ATXN1: variants seen among roughly 807,000 people sequenced by gnomAD.
ATXN1 encodes the protein ataxin 1, also known as ataxin-1.
Under a neutral mutation model 56.4 loss-of-function variants are expected in ATXN1, and 8 were observed. That is an observed-to-expected ratio of 0.14 (90% CI 0.08 to 0.26). The LOEUF is 0.26. ATXN1 is among the 10% of genes least tolerant of loss of function. The pLI is 1.00. For synonymous variants in ATXN1, 514 were observed against 494.6 expected (o/e 1.04, Z -0.52); for missense variants, 987 against 1,106.5 (o/e 0.89, Z 1.53).
intron 5 of ATXN1, among the ~76,000 whole-genome samples, chr6:16,512,416 A>T (rs1232850024): frequency 2.6e-5 from 4 of 152,220 alleles, no homozygotes; most frequent in Non-Finnish European, 5.9e-5. Context: ...TCAAATTAAA[A>T]GCAAAGTCAT....
chr6:16,672,782 G>A (rs941948216), intron 2 of ATXN1, among the ~76,000 whole-genome samples: 1 of 152,186 alleles, frequency 6.6e-6, no homozygotes, highest in Non-Finnish European at 1.5e-5. Flanking sequence ...CACTCTGGGA[G>A]GCCGAGGCGG....
chr6:16,627,692 A>G (rs574010024), intron 3 of ATXN1, among the ~76,000 whole-genome samples: 1 of 152,224 alleles, frequency 6.6e-6, no homozygotes, highest in Admixed American at 6.5e-5. Context: ...ATGCCACTGC[A>G]CTCCAGCCTG....
intron 5 of ATXN1, among the ~76,000 whole-genome samples, chr6:16,512,972 C>T (rs1474990907): frequency 6.6e-6 from 1 of 152,182 alleles, no homozygotes; most frequent in African/African-American, 2.4e-5. Context: ...GGTTGAGTGG[C>T]CCCTGGGAAT....
chr6:16,512,779 CAGA>C (rs559840482), intron 5 of ATXN1, among the ~76,000 whole-genome samples: 83 of 152,324 alleles, frequency 5.4e-4, no homozygotes, highest in African/African-American at 1.9e-3. Context: ...GCTACAGCAA[CAGA>C]AGAATGTACT....
chr6:16,706,206 C>T (rs955490880), intron 2 of ATXN1, among the ~76,000 whole-genome samples: 18 of 152,148 alleles, frequency 1.2e-4, no homozygotes, highest in African/African-American at 4.1e-4. Flanking sequence ...CTCCAGTCAA[C>T]CTGACTCAGG....
chr6:16,726,441 A>G (rs1277797867), intron 2 of ATXN1, among the ~76,000 whole-genome samples: 5 of 151,974 alleles, frequency 3.3e-5, no homozygotes, highest in Non-Finnish European at 7.4e-5. Context: ...AGAGATTTTC[A>G]TATGTATAAT....
chr6:16,512,401 G>A (rs1017314824), intron 5 of ATXN1, among the ~76,000 whole-genome samples: 3 of 152,260 alleles, frequency 2.0e-5, no homozygotes, highest in African/African-American at 4.8e-5. Flanking sequence ...GAAGAGTAAC[G>A]CATTTCAAAT....
intron 3 of ATXN1, among the ~76,000 whole-genome samples, chr6:16,634,264 T>C (rs1298318357): frequency 2.0e-5 from 3 of 152,216 alleles, no homozygotes; most frequent in Non-Finnish European, 4.4e-5. Flanking sequence ...AGCACTACCA[T>C]GGATTTCTCT....
intron 2 of ATXN1, among the ~76,000 whole-genome samples, chr6:16,660,734 T>C (rs1183626246): frequency 6.6e-6 from 1 of 152,118 alleles, no homozygotes; most frequent in Non-Finnish European, 1.5e-5. Flanking sequence ...ATATCTTTAT[T>C]CAAAAATGCA....
chr6:16,496,901 C>G (rs1273758926), intron 5 of ATXN1, among the ~76,000 whole-genome samples: 1 of 152,182 alleles, frequency 6.6e-6, no homozygotes, highest in Non-Finnish European at 1.5e-5. Flanking sequence ...TTCTCCCCTC[C>G]TCCTTCATCT....
intron 6 of ATXN1, among the ~76,000 whole-genome samples, chr6:16,448,953 C>G (rs1168211410): frequency 6.6e-6 from 1 of 152,204 alleles, no homozygotes; most frequent in African/African-American, 2.4e-5. Context: ...AAGGGGATAG[C>G]AAGAGTTCTT....
At chr6:16,542,931 A>G (rs1761743312) in intron 4 of ATXN1, among the ~76,000 whole-genome samples, 1 of 151,538 alleles carries the variant, frequency 6.6e-6, no homozygotes, top group African/African-American at 2.4e-5. Context: ...AAAATATCTT[A>G]TTGCATGGCA....
intron 7 of ATXN1, among the ~76,000 whole-genome samples, chr6:16,312,262 CATA>C (rs1226175229): frequency 2.0e-5 from 3 of 152,156 alleles, no homozygotes; most frequent in African/African-American, 7.2e-5. Flanking sequence ...CTAAAGACTT[CATA>C]ATGTTATTGG....
intron 5 of ATXN1, among the ~76,000 whole-genome samples, chr6:16,494,321 A>T (rs1760731116): frequency 6.6e-6 from 1 of 152,174 alleles, no homozygotes; most frequent in African/African-American, 2.4e-5. Flanking sequence ...CCATTGTAAA[A>T]TTTCTTACAA....
At chr6:16,491,090 ATTTTTT>A (rs35884389) in intron 5 of ATXN1, among the ~76,000 whole-genome samples, 56 of 78,314 alleles carry the variant, frequency 7.2e-4, no homozygotes, top group African/African-American at 2.7e-3. Context: ...GGATCCCTGG[ATTTTTT>A]TTTTTTTTTT....
At chr6:16,736,910 TTCAG>T (rs1760154083) in intron 2 of ATXN1, 1 of 152,200 alleles carries the variant, frequency 6.6e-6, no homozygotes, top group Non-Finnish European at 1.5e-5. Flanking sequence ...GGCAAAAACT[TTCAG>T]TCAGAGAGAA....
chr6:16,671,677 C>T (rs1398171101), intron 2 of ATXN1, among the ~76,000 whole-genome samples: 1 of 152,088 alleles, frequency 6.6e-6, no homozygotes, highest in East Asian at 1.9e-4. Context: ...CATTAGTAAG[C>T]CAAAGGCATA....
intron 6 of ATXN1, among the ~76,000 whole-genome samples, chr6:16,461,260 G>A (rs560843715): frequency 1.3e-5 from 2 of 152,336 alleles, no homozygotes; most frequent in Admixed American, 1.3e-4. Context: ...CGGGGGCATA[G>A]TTTTCTCCCC....
chr6:16,643,561 C>T (rs1485416157), intron 3 of ATXN1, among the ~76,000 whole-genome samples: 1 of 135,506 alleles, frequency 7.4e-6, no homozygotes, highest in African/African-American at 2.8e-5. Context: ...GCCCGGAGGT[C>T]GAGGCTGCAG....
Sources: allele counts gnomAD v4.1 joint callset (sites outside exome capture counted in the v4.1 genomes callset), GRCh38; gene constraint gnomAD v4.1.1; transcripts MANE v1.5; gene names NCBI Gene and HGNC (gene_info 2026-07-23, HGNC 2026-07-21).